The following PTPRD variants were observed in gnomAD, a reference collection of about 807,000 sequenced individuals.
PTPRD encodes the protein protein tyrosine phosphatase receptor type D.
A neutral mutation model predicts 214.5 loss-of-function variants in PTPRD; 34 were observed. The ratio of observed to expected loss-of-function variants is 0.16; its 90% CI spans 0.12 to 0.21. PTPRD has a LOEUF of 0.21. Among genes scored for constraint, PTPRD ranks in the 10% least tolerant of loss-of-function variants. PTPRD has a pLI of 1.00. For synonymous variants in PTPRD, 1,128 were observed against 845.7 expected, an observed-to-expected ratio of 1.33 and a Z score of -5.79; for missense variants, 2,545 against 2,398.7, an observed-to-expected ratio of 1.06 and a Z score of -1.27.
At chr9:8,558,018 ACT>A (rs2084667632) in intron 14 of PTPRD, among the ~76,000 whole-genome samples, 1 of 152,086 alleles carries the variant, frequency 6.6e-6, no homozygotes, top group Non-Finnish European at 1.5e-5. Flanking sequence ...AAATTATGTA[ACT>A]AATTAATCTA....
At chr9:8,944,524 G>A (rs563618937) in intron 11 of PTPRD, among the ~76,000 whole-genome samples, 2 of 152,138 alleles carry the variant, frequency 1.3e-5, no homozygotes, top group South Asian at 4.1e-4. Flanking sequence ...ACAGATGAAT[G>A]GATAAAGAAA....
intron 5 of PTPRD, among the ~76,000 whole-genome samples, chr9:9,917,302 GAAA>G (rs140708788): frequency 1.8e-3 from 39 of 21,212 alleles, no homozygotes; most frequent in Admixed American, 4.8e-3. Flanking sequence ...TAGCTAGACT[GAAA>G]AAAAAAAAAA....
At chr9:8,581,249 G>T (rs905566356) in intron 14 of PTPRD, among the ~76,000 whole-genome samples, 1 of 151,902 alleles carries the variant, frequency 6.6e-6, no homozygotes. Flanking sequence ...TCATTAAAAT[G>T]GAAAAAGAGA....
chr9:8,822,321 T>A (rs1175414128), intron 11 of PTPRD, among the ~76,000 whole-genome samples: 1 of 152,058 alleles, frequency 6.6e-6, no homozygotes, highest in Non-Finnish European at 1.5e-5. Flanking sequence ...CTAACTGCTA[T>A]CAAAGCAAAC....
chr9:9,611,531 A>G (rs111323763), intron 7 of PTPRD, among the ~76,000 whole-genome samples: 7,522 of 152,170 alleles, frequency 0.049, 661 homozygotes, highest in African/African-American at 0.17. Flanking sequence ...AATCTGATGT[A>G]TAAAACATTT....
chr9:8,526,288 G>C (rs2074115903), intron 17 of PTPRD, among the ~76,000 whole-genome samples: 1 of 147,438 alleles, frequency 6.8e-6, no homozygotes, highest in South Asian at 2.2e-4. Context: ...AAAAGAAAAA[G>C]GAAAAAGGAA....
chr9:10,085,453 G>A (rs1368617049), intron 3 of PTPRD, among the ~76,000 whole-genome samples: 3 of 151,818 alleles, frequency 2.0e-5, no homozygotes, highest in Non-Finnish European at 4.4e-5. Flanking sequence ...GAAAGATTGA[G>A]TTCTTCACTG....
At chr9:8,808,589 G>A (rs1250222052) in intron 11 of PTPRD, among the ~76,000 whole-genome samples, 1 of 149,806 alleles carries the variant, frequency 6.7e-6, no homozygotes, top group Non-Finnish European at 1.5e-5. Flanking sequence ...CTGGCCCACT[G>A]TATTTATGCA....
chr9:8,688,566 A>G (rs1226954420), intron 12 of PTPRD, among the ~76,000 whole-genome samples: 1 of 147,900 alleles, frequency 6.8e-6, no homozygotes, highest in East Asian at 2.0e-4. Context: ...CTCTGTCTCA[A>G]AAAAAAAAAA....
intron 11 of PTPRD, among the ~76,000 whole-genome samples, chr9:8,810,763 ACT>A (rs751246066): frequency 4.6e-5 from 7 of 152,174 alleles, no homozygotes; most frequent in Non-Finnish European, 8.8e-5. Flanking sequence ...TTCAGAACTA[ACT>A]CTAATAATCA....
chr9:9,817,274 C>A (rs528954404), intron 5 of PTPRD, among the ~76,000 whole-genome samples: 3 of 152,248 alleles, frequency 2.0e-5, no homozygotes, highest in African/African-American at 7.2e-5. Flanking sequence ...TACTGTAAAC[C>A]AGACTAAATA....
intron 14 of PTPRD, among the ~76,000 whole-genome samples, chr9:8,626,486 C>T (rs568100255): frequency 1.3e-5 from 2 of 151,944 alleles, no homozygotes; most frequent in South Asian, 4.1e-4. Context: ...TTGTACGTGT[C>T]ACTTGATTAG....
chr9:9,633,109 A>ACC (rs1427197445), intron 7 of PTPRD, among the ~76,000 whole-genome samples: 2 of 152,156 alleles, frequency 1.3e-5, no homozygotes, highest in Non-Finnish European at 2.9e-5. Flanking sequence ...ATCCTGGCCA[A>ACC]CATGGTGAAA....
At chr9:8,628,136 G>C (rs984719304) in intron 14 of PTPRD, among the ~76,000 whole-genome samples, 1 of 151,674 alleles carries the variant, frequency 6.6e-6, no homozygotes, top group Non-Finnish European at 1.5e-5. Context: ...AATGTTCCTA[G>C]CCTGGATCTC....
At chr9:10,005,638 C>A (rs772392724) in intron 4 of PTPRD, among the ~76,000 whole-genome samples, 8 of 152,052 alleles carry the variant, frequency 5.3e-5, no homozygotes, top group Non-Finnish European at 1.0e-4. Flanking sequence ...TATGTGCCTT[C>A]ATTAATCAAA....
At chr9:9,982,972 G>A (rs1181421676) in intron 4 of PTPRD, among the ~76,000 whole-genome samples, 51 of 151,816 alleles carry the variant, frequency 3.4e-4, no homozygotes, top group Admixed American at 3.3e-3. Flanking sequence ...GCGGAAATCT[G>A]GAATACATGC....
chr9:9,353,761 C>T (rs1182954175), intron 9 of PTPRD, among the ~76,000 whole-genome samples: 2 of 151,706 alleles, frequency 1.3e-5, no homozygotes, highest in Non-Finnish European at 2.9e-5. Flanking sequence ...TCTATTGCTG[C>T]CTGGTAGATT....
chr9:9,775,722 T>C (rs2098792494), intron 5 of PTPRD, among the ~76,000 whole-genome samples: 1 of 152,018 alleles, frequency 6.6e-6, no homozygotes, highest in Admixed American at 6.5e-5. Flanking sequence ...GGCGGGTGGA[T>C]CACGAGGTCA....
intron 7 of PTPRD, among the ~76,000 whole-genome samples, chr9:9,712,161 A>G (rs762301827): frequency 6.6e-6 from 1 of 152,230 alleles, no homozygotes; most frequent in Non-Finnish European, 1.5e-5. Context: ...AAGAGTATCC[A>G]TTAAATTTTT....
Sources: gnomAD v4.1 joint callset for allele counts (sites outside exome capture counted in the v4.1 genomes callset) on GRCh38, gnomAD v4.1.1 for gene constraint, MANE v1.5 for transcripts, NCBI Gene and HGNC (gene_info 2026-07-23, HGNC 2026-07-21) for gene names.